Variants in PCSK2 observed in about 807,000 individuals in gnomAD.
PCSK2 encodes proprotein convertase subtilisin/kexin type 2, also known as neuroendocrine convertase 2.
PCSK2 carries 14 observed loss-of-function variants against 69.7 expected under a neutral mutation model. The observed-to-expected ratio is 0.20, with a 90% CI of 0.13 to 0.31. PCSK2 has a LOEUF of 0.31. Ranked by LOEUF, PCSK2 falls within the 10% of genes least tolerant of loss-of-function variation. PCSK2 has a pLI of 1.00. For synonymous variants in PCSK2, 307 were observed against 320.7 expected (o/e 0.96, Z 0.46); for missense variants, 544 against 842.5 (o/e 0.65, Z 4.39).
rs2123380716 is a variant in PCSK2 at position 17,453,077 on chromosome 20, A to C, written c.886-665A>C. Among the ~76,000 whole-genome samples the C allele has an allele frequency of 6.6e-6, 1 of 152,312 alleles. No individual in the cohort carries two copies. Among genetic ancestry groups the C allele is most frequent in the East Asian group, 1.9e-4 (1 of 5,186 alleles). The stretch of plus-strand genomic sequence containing the variant: ...TTGCTCAAGTAAAATGTCATATATT[A>C]TGTGTTTAAAAGGATTCTAGTATCC... On this transcript the variant is annotated intron_variant, in intron 8 of 11. Transcript: ENST00000262545. This position sits in a 1 kb window ranked among gnomAD's most constrained non-coding sequence, Gnocchi z 4.0.
chr20:17,423,007 T>C (rs1357159533), intron 6 of PCSK2, among the ~76,000 whole-genome samples: 1 of 152,148 alleles, frequency 6.6e-6, no homozygotes, highest in African/African-American at 2.4e-5. Flanking sequence ...TATAAATCTT[T>C]TAGGAAAAAA....
intron 6 of PCSK2, among the ~76,000 whole-genome samples, chr20:17,411,601 A>G (rs2031874495): frequency 6.6e-6 from 1 of 152,246 alleles, no homozygotes; most frequent in African/African-American, 2.4e-5. Context: ...ATAGCTGGAA[A>G]AAAGGAGCAG....
At chr20:17,291,785 C>T (rs1263437072) in intron 2 of PCSK2, among the ~76,000 whole-genome samples, 1 of 152,130 alleles carries the variant, frequency 6.6e-6, no homozygotes, top group Non-Finnish European at 1.5e-5. Flanking sequence ...AATCTGGAGG[C>T]AGGCAGTATA....
Position 17,482,240 on chromosome 20 carries a change from T to C in PCSK2, c.*170T>C, listed in dbSNP as rs533744405. On this transcript the variant is annotated 3_prime_UTR_variant, in exon 12 of 12. Coordinates refer to ENST00000262545, the MANE Select transcript of PCSK2 (RefSeq NM_002594.5). ...ATTATTTTCATTACAATGGAAACAA[T>C]CTTTTTTACTCTATGCCCCAAATAT... 13 of 593,874 alleles carry C rather than the reference T, an allele frequency of 2.2e-5. No individual in the cohort carries two copies. The highest frequency in any genetic ancestry group is 1.7e-4 in the Admixed American group (5 of 29,230). The allele number at this position is 593,874 out of a possible 1,614,324, so 36.8% of individuals were successfully genotyped here. A position where few individuals can be genotyped will look rare whatever the true frequency, so the allele number is the denominator to read the frequency against.
chr20:17,418,908 A>G (rs2032061333), intron 6 of PCSK2, among the ~76,000 whole-genome samples: 1 of 152,256 alleles, frequency 6.6e-6, no homozygotes, highest in Non-Finnish European at 1.5e-5. Context: ...TATTCCAGCC[A>G]CACTGACTGC....
chr20:17,463,875 G>T (rs138251676), intron 10 of PCSK2: 2 of 152,112 alleles, frequency 1.3e-5, no homozygotes, highest in African/African-American at 4.8e-5. Context: ...CCTTTGAATT[G>T]TTTGACTTCT....
At chr20:17,284,280 C>T (rs952963758) in intron 2 of PCSK2, among the ~76,000 whole-genome samples, 2 of 152,140 alleles carry the variant, frequency 1.3e-5, no homozygotes, top group Admixed American at 1.3e-4. Flanking sequence ...GGCTTGGCCC[C>T]GTATACATGA....
At chr20:17,298,786 G>T (rs1988981147) in intron 2 of PCSK2, among the ~76,000 whole-genome samples, 1 of 151,860 alleles carries the variant, frequency 6.6e-6, no homozygotes, top group Non-Finnish European at 1.5e-5. Flanking sequence ...AACACTCTCA[G>T]ACACACTCAC....
At chr20:17,391,993 A>C (rs989193753) in intron 5 of PCSK2, among the ~76,000 whole-genome samples, 14 of 144,610 alleles carry the variant, frequency 9.7e-5, no homozygotes, top group African/African-American at 3.5e-4. Context: ...GAAGGAAGGA[A>C]AGGAAGGAAA....
intron 1 of PCSK2, among the ~76,000 whole-genome samples, chr20:17,244,192 G>A (rs1986689560): frequency 6.6e-6 from 1 of 152,140 alleles, no homozygotes; most frequent in South Asian, 2.1e-4. Flanking sequence ...AACAATTGGG[G>A]ACTCTGGGTG....
intron 7 of PCSK2, 28 bp downstream of exon 7, chr20:17,429,551 C>G (rs771904864): frequency 6.9e-7 from 1 of 1,452,508 alleles, no homozygotes; most frequent in African/African-American, 1.4e-5. Flanking sequence ...AACAGAGGCC[C>G]CCACTAGGTA....
At chr20:17,270,406 G>C (rs146877130) in intron 2 of PCSK2, among the ~76,000 whole-genome samples, 141 of 152,206 alleles carry the variant, frequency 9.3e-4, no homozygotes, top group African/African-American at 3.2e-3. Flanking sequence ...TATGGGTTCA[G>C]GAGAGGATAA....
intron 1 of PCSK2, among the ~76,000 whole-genome samples, chr20:17,229,376 T>TAAAATTAAAAAAAAATTC (rs1166206889): frequency 6.7e-6 from 1 of 150,136 alleles, no homozygotes. Flanking sequence ...AATTCTTGAG[T>TAAAATTAAAAAAAAATTC]GTGATCTTGC....
chr20:17,445,568 C>A (rs574330307), intron 8 of PCSK2, among the ~76,000 whole-genome samples: 7 of 152,300 alleles, frequency 4.6e-5, no homozygotes, highest in Admixed American at 3.3e-4. Flanking sequence ...AACCACCATC[C>A]AGGAAAGCAG....
intron 10 of PCSK2, chr20:17,464,961 T>C (rs1314124183): frequency 9.9e-6 from 3 of 302,340 alleles, no homozygotes; most frequent in African/African-American, 4.3e-5. Context: ...CCAAACAGTT[T>C]TCCAGTTTAG....
chr20:17,434,650 T>G (rs2123347554), intron 7 of PCSK2, among the ~76,000 whole-genome samples: 1 of 152,284 alleles, frequency 6.6e-6, no homozygotes, highest in Non-Finnish European at 1.5e-5. Context: ...GGAAGTGCCA[T>G]GCACCAGCCC....
chr20:17,417,334 G>A (rs972373497), intron 6 of PCSK2, among the ~76,000 whole-genome samples: 10 of 149,792 alleles, frequency 6.7e-5, no homozygotes, highest in South Asian at 2.2e-4. Context: ...CATTGTCAGC[G>A]GTAAGAATTC....
intron 5 of PCSK2, among the ~76,000 whole-genome samples, chr20:17,380,683 T>C (rs756234714): frequency 1.3e-5 from 2 of 152,182 alleles, no homozygotes; most frequent in African/African-American, 2.4e-5. Flanking sequence ...CTGCCCAAGA[T>C]TGCACAGCTA....
At chr20:17,236,671 A>G (rs945254216) in intron 1 of PCSK2, among the ~76,000 whole-genome samples, 1 of 152,154 alleles carries the variant, frequency 6.6e-6, no homozygotes, top group African/African-American at 2.4e-5. Flanking sequence ...TCAGAACTTC[A>G]ATTACAAATT....
Sources: gnomAD v4.1 joint callset for allele counts (sites outside exome capture counted in the v4.1 genomes callset) on GRCh38, gnomAD v4.1.1 for gene constraint, Gnocchi (gnomAD v3.1) non-coding constraint, MANE v1.5 for transcripts, NCBI Gene and HGNC (gene_info 2026-07-23, HGNC 2026-07-21) for gene names.